The following GRM8 variants were observed in gnomAD, a reference collection of about 807,000 sequenced individuals.
GRM8 encodes metabotropic glutamate receptor 8.
In GRM8, 47 loss-of-function variants were observed where a neutral mutation model predicts 87.2. The observed-to-expected ratio is 0.54, with a 90% CI of 0.43 to 0.69. The LOEUF is 0.69. Among genes scored for constraint, GRM8 ranks in the 30% least tolerant of loss-of-function variants. The pLI is 0.00. For synonymous variants in GRM8, 396 were observed against 404.5 expected (o/e 0.98, Z 0.25); for missense variants, 1,019 against 1,139.2 (o/e 0.89, Z 1.52).
intron 7 of GRM8, among the ~76,000 whole-genome samples, chr7:126,699,837 T>A (rs572044979): frequency 6.6e-6 from 1 of 152,154 alleles, no homozygotes; most frequent in African/African-American, 2.4e-5. Flanking sequence ...CCAGTTGCAA[T>A]GCACATTTTT....
chr7:127,135,239 T>C (rs983893930), intron 2 of GRM8, among the ~76,000 whole-genome samples: 3 of 152,052 alleles, frequency 2.0e-5, no homozygotes, highest in Admixed American at 6.5e-5. Context: ...AAGAAACTAT[T>C]TTGTGAAATC....
intron 6 of GRM8, among the ~76,000 whole-genome samples, chr7:126,833,569 G>A (rs1246336740): frequency 6.6e-6 from 1 of 152,186 alleles, no homozygotes. Flanking sequence ...CTTGCAGATG[G>A]CTGCCTTCTT....
intron 2 of GRM8, among the ~76,000 whole-genome samples, chr7:127,129,852 A>G (rs1277615145): frequency 1.3e-5 from 2 of 152,176 alleles, no homozygotes; most frequent in Non-Finnish European, 2.9e-5. Context: ...AAGCTATTCA[A>G]TCTCTGAGTC....
intron 9 of GRM8, among the ~76,000 whole-genome samples, chr7:126,508,177 T>C (rs1306291645): frequency 1.3e-5 from 2 of 151,986 alleles, no homozygotes; most frequent in Non-Finnish European, 2.9e-5. Context: ...TTGTATATTA[T>C]TATCTCAGTT....
At chr7:126,737,731 C>T (rs2151499297) in intron 7 of GRM8, among the ~76,000 whole-genome samples, 1 of 152,136 alleles carries the variant, frequency 6.6e-6, no homozygotes, top group African/African-American at 2.4e-5. Context: ...TATTGAACAC[C>T]TCTTAGCTAT....
intron 8 of GRM8, among the ~76,000 whole-genome samples, chr7:126,584,166 G>T (rs528157797): frequency 6.6e-6 from 1 of 152,098 alleles, no homozygotes; most frequent in Non-Finnish European, 1.5e-5. Flanking sequence ...ATTAAGATAC[G>T]TGTTTTTTTA....
At chr7:126,552,474 G>A (rs1792694451) in intron 8 of GRM8, among the ~76,000 whole-genome samples, 1 of 152,022 alleles carries the variant, frequency 6.6e-6, no homozygotes, top group Non-Finnish European at 1.5e-5. Context: ...ACATAATAAA[G>A]CAAATATGTG....
intron 9 of GRM8, among the ~76,000 whole-genome samples, chr7:126,498,124 G>A (rs1303145732): frequency 6.6e-6 from 1 of 151,866 alleles, no homozygotes; most frequent in African/African-American, 2.4e-5. Context: ...GAGAGGTGGG[G>A]TCTGAAGCCA....
intron 8 of GRM8, among the ~76,000 whole-genome samples, chr7:126,580,393 C>T (rs565939839): frequency 2.6e-5 from 4 of 152,112 alleles, no homozygotes; most frequent in African/African-American, 9.6e-5. Flanking sequence ...TCTTCATGTC[C>T]CTTGTCCAGA....
chr7:127,236,900 T>C (rs1395958973), intron 2 of GRM8, among the ~76,000 whole-genome samples: 1 of 152,100 alleles, frequency 6.6e-6, no homozygotes, highest in African/African-American at 2.4e-5. Context: ...CCTGCCCACA[T>C]GGTGCTTACA....
At chr7:126,666,250 C>T (rs1247033727) in intron 7 of GRM8, among the ~76,000 whole-genome samples, 1 of 152,122 alleles carries the variant, frequency 6.6e-6, no homozygotes, top group Non-Finnish European at 1.5e-5. Flanking sequence ...ATATTTTTAT[C>T]ACCAAATTGT....
At chr7:127,027,016 G>A (rs535677373) in intron 3 of GRM8, among the ~76,000 whole-genome samples, 1 of 152,124 alleles carries the variant, frequency 6.6e-6, no homozygotes, top group African/African-American at 2.4e-5. Context: ...TTTGTATAAG[G>A]TATAAGGAAG....
chr7:127,014,022 G>C (rs1815154008), intron 3 of GRM8, among the ~76,000 whole-genome samples: 1 of 152,182 alleles, frequency 6.6e-6, no homozygotes, highest in Non-Finnish European at 1.5e-5. Context: ...CTCTTGGTGA[G>C]TTATGGGCCA....
intron 3 of GRM8, among the ~76,000 whole-genome samples, chr7:126,952,615 A>G (rs554422962): frequency 6.6e-6 from 1 of 152,200 alleles, no homozygotes; most frequent in East Asian, 1.9e-4. Flanking sequence ...ACCACCACTA[A>G]TAAAAAATAT....
intron 8 of GRM8, among the ~76,000 whole-genome samples, chr7:126,559,548 C>A (rs138093680): frequency 7.2e-5 from 11 of 152,290 alleles, no homozygotes; most frequent in African/African-American, 2.2e-4. Context: ...CAAACCTCGT[C>A]TCAATTACTG....
intron 9 of GRM8, among the ~76,000 whole-genome samples, chr7:126,477,777 T>C (rs1021002389): frequency 6.6e-6 from 1 of 151,980 alleles, no homozygotes; most frequent in Admixed American, 6.6e-5. Context: ...CCAAGACAAT[T>C]TATTTAGAGT....
chr7:127,248,786 C>T (rs576220775), intron 1 of GRM8, among the ~76,000 whole-genome samples: 2 of 152,186 alleles, frequency 1.3e-5, no homozygotes, highest in African/African-American at 2.4e-5. Flanking sequence ...TCTCATCACG[C>T]TTGGGTCTAG....
chr7:127,097,471 T>C (rs887254014), intron 3 of GRM8, among the ~76,000 whole-genome samples: 2 of 152,178 alleles, frequency 1.3e-5, no homozygotes, highest in Non-Finnish European at 2.9e-5. Context: ...TAGCCACATA[T>C]AGTTAAGATT....
intron 6 of GRM8, among the ~76,000 whole-genome samples, chr7:126,819,741 T>C (rs1258558468): frequency 6.6e-6 from 1 of 152,044 alleles, no homozygotes; most frequent in Non-Finnish European, 1.5e-5. Context: ...TGTAAATAGA[T>C]TTTTTAAAAA....
Sources: allele counts gnomAD v4.1 joint callset (sites outside exome capture counted in the v4.1 genomes callset), GRCh38; gene constraint gnomAD v4.1.1; transcripts MANE v1.5; gene names NCBI Gene and HGNC (gene_info 2026-07-23, HGNC 2026-07-21).